EFHC1: variants seen among roughly 807,000 people sequenced by gnomAD.
EFHC1 encodes EF-hand domain-containing protein 1.
Under a neutral mutation model 69.9 loss-of-function variants are expected in EFHC1, and 53 were observed. That is an observed-to-expected ratio of 0.76 (90% CI 0.61 to 0.95). EFHC1 has a LOEUF of 0.95. Ranked by LOEUF, EFHC1 falls within the 40% of genes least tolerant of loss-of-function variation. The pLI is 0.00. For synonymous variants in EFHC1, 256 were observed against 278.4 expected (o/e 0.92, Z 0.80); for missense variants, 739 against 798.7 (o/e 0.93, Z 0.90).
At position 52,469,264 on chromosome 6, in the gene EFHC1, T is replaced by C. The variant is rs139399036; in HGVS notation, c.1138-69T>C. On this transcript the variant is annotated intron_variant, in intron 6 of 10. Coordinates refer to ENST00000371068, the MANE Select transcript of EFHC1 (RefSeq NM_018100.4). ...TTCTAGAGTTTTTTCTTTAAACTTATAGTTACCTTTAATGTAATCTTAACA... is the reference window on the plus strand; with the variant it reads ...TTCTAGAGTTTTTTCTTTAAACTTACAGTTACCTTTAATGTAATCTTAACA... 579 of 1,588,276 alleles carry C rather than the reference T, an allele frequency of 3.6e-4. 3 individuals carry two copies. The African/African-American group carries it at 7.0e-3, about 19-fold the overall frequency.
intron 7 of EFHC1, 114 bp downstream of exon 7, chr6:52,469,587 A>G (rs1370292507): frequency 2.0e-6 from 3 of 1,466,722 alleles, no homozygotes; most frequent in Non-Finnish European, 2.8e-6. Flanking sequence ...TGTTGACTCA[A>G]CCAACCATTG....
chr6:52,455,033 G>C (rs900891262), intron 5 of EFHC1, among the ~76,000 whole-genome samples: 1 of 151,992 alleles, frequency 6.6e-6, no homozygotes, highest in East Asian at 1.9e-4. Flanking sequence ...TCGAGGCTGC[G>C]GTGAGCTGTG....
intron 3 of EFHC1, among the ~76,000 whole-genome samples, chr6:52,447,972 G>A (rs1266235170): frequency 6.6e-6 from 1 of 152,220 alleles, no homozygotes; most frequent in Non-Finnish European, 1.5e-5. Context: ...TGAGGTGTCA[G>A]TTGGCCCCTA....
chr6:52,449,544 T>C (rs1490738101), intron 3 of EFHC1, among the ~76,000 whole-genome samples: 1 of 152,210 alleles, frequency 6.6e-6, no homozygotes, highest in African/African-American at 2.4e-5. Flanking sequence ...TCTTCCTAGT[T>C]CAGTCTTGGG....
rs112311115 is a variant in EFHC1, at chr6:52,493,237, C to A, written c.*896C>A. 6.6e-6 allele frequency: 3 copies of A among 453,300 alleles called. No homozygotes were observed. Among genetic ancestry groups the A allele is most frequent in the Non-Finnish European group, 1.3e-5 (3 of 226,642 alleles). 28.1% of individuals were successfully genotyped at this position (453,300 alleles called of 1,614,324 possible). On this transcript the variant is annotated 3_prime_UTR_variant, in exon 11 of 11. Transcript: ENST00000371068. The stretch of plus-strand genomic sequence containing the variant: ...CTCCTAAGTCATAGGCCTTTGGATT[C>A]AGACTGGAATTATACCTTTAGCTCT...
intron 3 of EFHC1, among the ~76,000 whole-genome samples, chr6:52,444,323 C>A (rs374208912): frequency 4.5e-4 from 69 of 152,218 alleles, no homozygotes; most frequent in East Asian, 2.5e-3. Flanking sequence ...TTCCAACACT[C>A]TGTTGAATAG....
At chr6:52,442,381 T>C (rs183039742) in intron 3 of EFHC1, among the ~76,000 whole-genome samples, 19 of 152,296 alleles carry the variant, frequency 1.2e-4, no homozygotes, top group Admixed American at 3.9e-4. Context: ...TGTGCCATGT[T>C]GGTGTGCTGT....
intron 3 of EFHC1, among the ~76,000 whole-genome samples, chr6:52,451,525 C>T (rs1285099092): frequency 6.6e-6 from 1 of 152,150 alleles, no homozygotes; most frequent in Non-Finnish European, 1.5e-5. Flanking sequence ...ATGGGGTTCC[C>T]TTTGTACGTG....
chr6:52,452,041 TAA>T (rs753387678), intron 3 of EFHC1, among the ~76,000 whole-genome samples: 4 of 152,250 alleles, frequency 2.6e-5, no homozygotes, highest in Non-Finnish European at 4.4e-5. Context: ...TAAGCAATCC[TAA>T]GACTTACTCT....
intron 2 of EFHC1, among the ~76,000 whole-genome samples, chr6:52,436,473 GT>G (rs1409743303): frequency 1.3e-4 from 19 of 150,646 alleles, no homozygotes; most frequent in Non-Finnish European, 2.8e-4. Context: ...TTCTTGATTT[GT>G]TCCTCTTATT....
At chr6:52,443,522 C>T (rs1342624439) in intron 3 of EFHC1, among the ~76,000 whole-genome samples, 2 of 152,146 alleles carry the variant, frequency 1.3e-5, no homozygotes, top group African/African-American at 4.8e-5. Flanking sequence ...CCAGTTTTCC[C>T]AGCACCATTT....
intron 9 of EFHC1, chr6:52,484,062 T>C (rs1264198727): frequency 6.6e-6 from 1 of 152,168 alleles, no homozygotes; most frequent in East Asian, 1.9e-4. Flanking sequence ...ATAGAATAAA[T>C]AGCATGTTTG....
chr6:52,469,534 T>C, intron 7 of EFHC1, 61 bp downstream of exon 7: 1 of 1,599,570 alleles, frequency 6.3e-7, no homozygotes, highest in Non-Finnish European at 8.5e-7. Context: ...TACAATTGTT[T>C]ATTTTATCTG....
At chr6:52,459,435 A>G (rs1765112935) in intron 5 of EFHC1, among the ~76,000 whole-genome samples, 1 of 152,258 alleles carries the variant, frequency 6.6e-6, no homozygotes, top group South Asian at 2.1e-4. Context: ...GCATGCATGT[A>G]TGACAAGTTA....
At chr6:52,448,155 G>A (rs376538081) in intron 3 of EFHC1, among the ~76,000 whole-genome samples, 1 of 152,370 alleles carries the variant, frequency 6.6e-6, no homozygotes, top group East Asian at 1.9e-4. Flanking sequence ...GTTCAGCTAT[G>A]CCCTGCCCTC....
chr6:52,484,823 A>G (rs1441810705), intron 9 of EFHC1, among the ~76,000 whole-genome samples: 1 of 152,178 alleles, frequency 6.6e-6, no homozygotes, highest in Non-Finnish European at 1.5e-5. Flanking sequence ...GTAGTGCAGT[A>G]GAAACAGTGA....
chr6:52,461,839 A>T (rs1335960223), intron 5 of EFHC1, among the ~76,000 whole-genome samples: 4 of 152,208 alleles, frequency 2.6e-5, no homozygotes, highest in Non-Finnish European at 5.9e-5. Context: ...AAAAGCTTTG[A>T]TTGAGATGAA....
At chr6:52,478,434 A>G (rs1765592264) in intron 7 of EFHC1, among the ~76,000 whole-genome samples, 2 of 152,244 alleles carry the variant, frequency 1.3e-5, no homozygotes, top group African/African-American at 4.8e-5. Flanking sequence ...ATAAAAAAAA[A>G]GAAAAAGTCT....
chr6:52,458,469 A>T (rs1213824283), intron 5 of EFHC1, among the ~76,000 whole-genome samples: 3 of 152,182 alleles, frequency 2.0e-5, no homozygotes, highest in Non-Finnish European at 4.4e-5. Context: ...ATAACAAATA[A>T]CCCCATTGAA....
Sources: gnomAD v4.1 joint callset for allele counts (sites outside exome capture counted in the v4.1 genomes callset) on GRCh38, gnomAD v4.1.1 for gene constraint, MANE v1.5 for transcripts, NCBI Gene and HGNC (gene_info 2026-07-23, HGNC 2026-07-21) for gene names.